Variants in RMST observed in about 807,000 individuals in gnomAD.
The protein encoded by RMST is long intergenic non-protein coding RNA 54.
At chr12:97,526,850 G>A (rs951346979) in intron 10 of RMST, among the ~76,000 whole-genome samples, 1 of 152,170 alleles carries the variant, frequency 6.6e-6, no homozygotes, top group African/African-American at 2.4e-5. Flanking sequence ...CTTTGGCAAT[G>A]AGAGTGCATT....
At chr12:97,490,301 A>G (rs144710634) in intron 5 of RMST, among the ~76,000 whole-genome samples, 2 of 152,340 alleles carry the variant, frequency 1.3e-5, no homozygotes, top group African/African-American at 4.8e-5. Context: ...GCCAGTTTCA[A>G]CACTGTGGCT....
chr12:97,486,492 T>G (rs528893551), intron 5 of RMST, among the ~76,000 whole-genome samples: 1 of 152,308 alleles, frequency 6.6e-6, no homozygotes, highest in Admixed American at 6.5e-5. Context: ...CTAGAGAAAT[T>G]GGAAACATTA....
At chr12:97,538,985 A>G (rs1882302385) in intron 11 of RMST, among the ~76,000 whole-genome samples, 1 of 151,526 alleles carries the variant, frequency 6.6e-6, no homozygotes, top group Non-Finnish European at 1.5e-5. Context: ...AATCAAAAAT[A>G]GAAAAATGGG....
intron 10 of RMST, among the ~76,000 whole-genome samples, chr12:97,523,703 G>T (rs1281615035): frequency 1.3e-5 from 2 of 151,974 alleles, no homozygotes; most frequent in Non-Finnish European, 2.9e-5. Flanking sequence ...TGCTACTATC[G>T]CACAGCTTGC....
At chr12:97,540,532 G>A (rs765087968) in intron 11 of RMST, among the ~76,000 whole-genome samples, 4 of 151,682 alleles carry the variant, frequency 2.6e-5, no homozygotes, top group Non-Finnish European at 5.9e-5. Context: ...TCAGACAAAT[G>A]GGACTTGAAT....
intron 11 of RMST, among the ~76,000 whole-genome samples, chr12:97,535,151 A>C (rs79961547): frequency 0.031 from 4,691 of 151,726 alleles, 136 homozygotes; most frequent in East Asian, 0.055. Context: ...ACTTCTTGTA[A>C]TTTGTTTAAT....
chr12:97,515,969 T>C (rs1396171120), intron 10 of RMST, among the ~76,000 whole-genome samples: 1 of 152,038 alleles, frequency 6.6e-6, no homozygotes, highest in African/African-American at 2.4e-5. Context: ...ATATATTTTG[T>C]CTCTTCTATA....
chr12:97,480,952 A>T (rs1408553355), intron 5 of RMST, among the ~76,000 whole-genome samples: 3 of 152,136 alleles, frequency 2.0e-5, no homozygotes, highest in African/African-American at 7.2e-5. Flanking sequence ...CAGTCATTAC[A>T]TTAATTATAT....
At chr12:97,511,544 T>C (rs1482150259) in intron 10 of RMST, among the ~76,000 whole-genome samples, 3 of 152,208 alleles carry the variant, frequency 2.0e-5, no homozygotes, top group Non-Finnish European at 4.4e-5. Context: ...AAGAACTGCA[T>C]AAGGTAGTGA....
intron 5 of RMST, among the ~76,000 whole-genome samples, chr12:97,473,395 G>A (rs994106138): frequency 6.6e-6 from 1 of 152,080 alleles, no homozygotes; most frequent in Non-Finnish European, 1.5e-5. Flanking sequence ...AAGGCTGGGG[G>A]CTTGGTGGAT....
intron 10 of RMST, among the ~76,000 whole-genome samples, chr12:97,524,275 A>C (rs1460997682): frequency 6.6e-6 from 1 of 151,934 alleles, no homozygotes; most frequent in Admixed American, 6.6e-5. Context: ...GGACCTACTG[A>C]ATCAAAATCT....
At chr12:97,498,235 C>T (rs1017053187) in intron 10 of RMST, among the ~76,000 whole-genome samples, 5 of 152,034 alleles carry the variant, frequency 3.3e-5, no homozygotes, top group East Asian at 1.9e-4. Flanking sequence ...TTCCTTGCTA[C>T]GGGGATCTAG....
chr12:97,465,192 A>G (rs1297154357), intron 4 of RMST: 4 of 152,122 alleles, frequency 2.6e-5, no homozygotes, highest in Non-Finnish European at 5.9e-5. Flanking sequence ...GTCTGATGGT[A>G]TTGGGATCTG....
intron 10 of RMST, among the ~76,000 whole-genome samples, chr12:97,498,974 C>A (rs1383823349): frequency 6.6e-6 from 1 of 152,174 alleles, no homozygotes; most frequent in Non-Finnish European, 1.5e-5. Flanking sequence ...AGGAGCTCTC[C>A]TCAGAGTGGT....
intron 5 of RMST, chr12:97,491,774 T>C: frequency 5.9e-6 from 2 of 338,742 alleles, no homozygotes; most frequent in East Asian, 7.2e-5. Context: ...ATGACTACCA[T>C]GTCAATAGAT....
chr12:97,528,444 G>A (rs571987239), intron 10 of RMST, among the ~76,000 whole-genome samples: 57 of 152,096 alleles, frequency 3.7e-4, no homozygotes, highest in Non-Finnish European at 7.6e-4. Flanking sequence ...TGTGTACATA[G>A]CATTATTTTA....
chr12:97,485,815 C>A (rs1876030187), intron 5 of RMST, among the ~76,000 whole-genome samples: 1 of 152,324 alleles, frequency 6.6e-6, no homozygotes, highest in South Asian at 2.1e-4. Flanking sequence ...AGTCTCTCAG[C>A]ATTTACATCA....
intron 5 of RMST, among the ~76,000 whole-genome samples, chr12:97,467,666 C>T (rs1042413856): frequency 6.6e-6 from 1 of 151,970 alleles, no homozygotes; most frequent in Non-Finnish European, 1.5e-5. Context: ...CTATTACAGA[C>T]CAGCTATTAT....
At chr12:97,495,161 A>G (rs565140847) in intron 9 of RMST, among the ~76,000 whole-genome samples, 2 of 114,730 alleles carry the variant, frequency 1.7e-5, no homozygotes, top group East Asian at 4.4e-4. Flanking sequence ...TAAATTATGT[A>G]CATCATTATT....
Sources: allele counts gnomAD v4.1 joint callset (sites outside exome capture counted in the v4.1 genomes callset), GRCh38; gene constraint gnomAD v4.1.1; transcripts MANE v1.5; gene names NCBI Gene and HGNC (gene_info 2026-07-23, HGNC 2026-07-21).